Variants in GPLD1 observed in about 807,000 individuals in gnomAD.
GPLD1 encodes the protein glycosylphosphatidylinositol specific phospholipase D1.
GPLD1 carries 84 observed loss-of-function variants against 112.6 expected under a neutral mutation model. The observed-to-expected ratio is 0.75, with a 90% CI of 0.63 to 0.89. GPLD1 has a LOEUF of 0.89. GPLD1 is among the 40% of genes least tolerant of loss of function. The pLI is 0.00. For synonymous variants in GPLD1, 386 were observed against 403.8 expected (o/e 0.96, Z 0.53); for missense variants, 1,044 against 1,051.5 (o/e 0.99, Z 0.10).
chr6:24,483,726 T>C (rs1764277970), intron 2 of GPLD1, among the ~76,000 whole-genome samples: 1 of 151,740 alleles, frequency 6.6e-6, no homozygotes, highest in Admixed American at 6.6e-5. Context: ...AATCTTGCGG[T>C]GTCGGATTAG....
intron 24 of GPLD1, among the ~76,000 whole-genome samples, chr6:24,432,247 T>TAAAA (rs71002493): frequency 1.2e-4 from 11 of 90,764 alleles, no homozygotes; most frequent in African/African-American, 2.3e-4. Context: ...GACTCTGTCT[T>TAAAA]AAAAAAAAAA....
intron 24 of GPLD1, among the ~76,000 whole-genome samples, chr6:24,430,393 C>G (rs1398340907): frequency 6.6e-6 from 1 of 152,176 alleles, no homozygotes; most frequent in East Asian, 1.9e-4. Flanking sequence ...ATACACCAAA[C>G]TGGATGGTCT....
intron 20 of GPLD1, among the ~76,000 whole-genome samples, chr6:24,444,990 G>C (rs114397006): frequency 0.033 from 4,967 of 151,950 alleles, 79 homozygotes; most frequent in Middle Eastern, 0.072. Context: ...TTTCAACAAA[G>C]CTTTGAAACA....
chr6:24,457,386 T>G (rs1253787560), intron 12 of GPLD1, among the ~76,000 whole-genome samples: 1 of 151,302 alleles, frequency 6.6e-6, no homozygotes, highest in African/African-American at 2.4e-5. Context: ...GAGGCTGAAA[T>G]GGGAGGATCA....
At chr6:24,473,396 G>A (rs1006534889) in intron 6 of GPLD1, 1 of 356,824 alleles carries the variant, frequency 2.8e-6, no homozygotes, top group Non-Finnish European at 5.2e-6. Flanking sequence ...CAACAACAAA[G>A]TGTAGAATTT....
chr6:24,444,089 C>G (rs1218376104), intron 20 of GPLD1, among the ~76,000 whole-genome samples: 1 of 152,180 alleles, frequency 6.6e-6, no homozygotes, highest in Non-Finnish European at 1.5e-5. Flanking sequence ...ATTAGAACCT[C>G]TACTCCAGTA....
intron 12 of GPLD1, among the ~76,000 whole-genome samples, chr6:24,458,899 A>G (rs886136812): frequency 2.6e-5 from 4 of 151,992 alleles, no homozygotes; most frequent in African/African-American, 9.7e-5. Flanking sequence ...AATTGTTAAG[A>G]ATTTTAAGGC....
chr6:24,476,002 T>C (rs1364444528), intron 4 of GPLD1, among the ~76,000 whole-genome samples, 179 bp downstream of exon 4: 1 of 152,166 alleles, frequency 6.6e-6, no homozygotes, highest in Non-Finnish European at 1.5e-5. Flanking sequence ...CCAAACCGTG[T>C]TTATAAGTAA....
chr6:24,433,574 C>T (rs1762476700), intron 22 of GPLD1, 185 bp from the exon 23 acceptor site: 1 of 504,740 alleles, frequency 2.0e-6, no homozygotes, highest in Non-Finnish European at 3.5e-6. Context: ...CTCACTGCAA[C>T]CTCTGCCTCC....
At chr6:24,465,968 G>C (rs545436055) in intron 10 of GPLD1, among the ~76,000 whole-genome samples, 1 of 152,142 alleles carries the variant, frequency 6.6e-6, no homozygotes, top group Non-Finnish European at 1.5e-5. Context: ...GGGTGGAGAG[G>C]TGTGTCACCA....
chr6:24,431,601 C>G (rs894995665), intron 24 of GPLD1, among the ~76,000 whole-genome samples: 3 of 150,096 alleles, frequency 2.0e-5, no homozygotes, highest in Admixed American at 6.7e-5. Flanking sequence ...GTGGCACCAT[C>G]TAGGCTCACG....
chr6:24,432,322 G>A (rs1742280), intron 24 of GPLD1, among the ~76,000 whole-genome samples: 42,983 of 151,402 alleles, frequency 0.28, 7,138 homozygotes, highest in Middle Eastern at 0.44. Flanking sequence ...TCTGGGCCGG[G>A]TGCAGTGGTG....
At chr6:24,494,993 G>C in exon 1 of GPLD1, 1 of 1,317,542 alleles carries the variant, frequency 7.6e-7, no homozygotes, top group Non-Finnish European at 9.7e-7. Flanking sequence ...TCGTTGCCCG[G>C]GCCATGGCGA....
intron 12 of GPLD1, among the ~76,000 whole-genome samples, chr6:24,459,369 TC>T (rs201097938): frequency 0.032 from 4,827 of 152,236 alleles, 96 homozygotes; most frequent in Non-Finnish European, 0.045. Context: ...TCCTCCCACC[TC>T]AGCCTCCCGA....
chr6:24,494,639 G>A (rs1263895444), intron 1 of GPLD1, among the ~76,000 whole-genome samples: 1 of 152,158 alleles, frequency 6.6e-6, no homozygotes, highest in African/African-American at 2.4e-5. Context: ...GCGATTGGGG[G>A]CTCAGGAGCA....
At chr6:24,481,079 T>C (rs927711978) in intron 2 of GPLD1, among the ~76,000 whole-genome samples, 3 of 152,160 alleles carry the variant, frequency 2.0e-5, no homozygotes, top group Non-Finnish European at 4.4e-5. Flanking sequence ...ACCGTTGAAT[T>C]TGTAGCAAAT....
intron 24 of GPLD1, among the ~76,000 whole-genome samples, chr6:24,432,809 C>G (rs984028110): frequency 6.6e-6 from 1 of 152,168 alleles, no homozygotes; most frequent in African/African-American, 2.4e-5. Flanking sequence ...CCACAGCAGA[C>G]GAGCCCGGCT....
chr6:24,477,827 A>G (rs1315967761), intron 3 of GPLD1, among the ~76,000 whole-genome samples: 1 of 152,242 alleles, frequency 6.6e-6, no homozygotes, highest in African/African-American at 2.4e-5. Flanking sequence ...AATGAAAGTG[A>G]ATCATCACCA....
At chr6:24,459,642 CTTTCAGACTGAAATTT>C (rs1763373442) in intron 12 of GPLD1, among the ~76,000 whole-genome samples, 1 of 152,216 alleles carries the variant, frequency 6.6e-6, no homozygotes, top group African/African-American at 2.4e-5. Flanking sequence ...TTTGTCACTC[CTTTCAGACTGAAATTT>C]TTTAAGGGTC....
Sources: gnomAD v4.1 joint callset for allele counts (sites outside exome capture counted in the v4.1 genomes callset) on GRCh38, gnomAD v4.1.1 for gene constraint, MANE v1.5 for transcripts, NCBI Gene and HGNC (gene_info 2026-07-23, HGNC 2026-07-21) for gene names.